Variants in MMP26 observed in about 807,000 individuals in gnomAD.
The protein encoded by MMP26 is matrix metalloproteinase-26.
A neutral mutation model predicts 31.0 loss-of-function variants in MMP26; 33 were observed. The ratio of observed to expected loss-of-function variants is 1.06; its 90% CI spans 0.81 to 1.42. The LOEUF (loss-of-function observed/expected upper bound fraction) is 1.42, where lower values mean the gene tolerates loss of function less well. MMP26 is among the 40% of genes most tolerant of loss of function. The probability of loss-of-function intolerance (pLI) is 0.00; values close to 1 mark genes in which losing one functional copy is unlikely to be tolerated. For synonymous variants in MMP26, 122 were observed against 114.9 expected (o/e 1.06, Z -0.40); for missense variants, 347 against 316.1 (o/e 1.10, Z -0.74).
intron 2 of MMP26, among the ~76,000 whole-genome samples, chr11:4,931,720 A>T (rs571463473): frequency 6.6e-6 from 1 of 152,152 alleles, no homozygotes; most frequent in South Asian, 2.1e-4. Flanking sequence ...AGGTCTCAAA[A>T]AACAGGAAGA....
intron 2 of MMP26, among the ~76,000 whole-genome samples, chr11:4,810,685 C>A (rs77559411): frequency 3.9e-5 from 6 of 152,270 alleles, no homozygotes; most frequent in African/African-American, 1.4e-4. Context: ...GCGTGATTAT[C>A]CAGATAGGTG....
At chr11:4,914,756 T>G in intron 2 of MMP26, 1 of 1,613,680 alleles carries the variant, frequency 6.2e-7, no homozygotes, top group Non-Finnish European at 8.5e-7. Flanking sequence ...ATCCCGGATC[T>G]GTTTGGTCTT....
At chr11:4,832,598 C>T (rs977519477) in intron 2 of MMP26, 1 of 155,880 alleles carries the variant, frequency 6.4e-6, no homozygotes, top group Non-Finnish European at 1.4e-5. Context: ...TAAAAGCATT[C>T]TCCTAGTGCT....
intron 1 of MMP26, chr11:4,724,105 G>A (rs547134018): frequency 2.8e-5 from 18 of 635,376 alleles, no homozygotes; most frequent in Admixed American, 9.9e-5. Context: ...GTGTAGGAGC[G>A]GCTGCTGAAG....
At chr11:4,854,370 TGC>T (rs1173620690) in intron 2 of MMP26, among the ~76,000 whole-genome samples, 1 of 152,208 alleles carries the variant, frequency 6.6e-6, no homozygotes, top group Non-Finnish European at 1.5e-5. Flanking sequence ...ACCCTAATAC[TGC>T]GCTTTTCCAA....
chr11:4,816,721 T>G (rs955590025), intron 2 of MMP26, among the ~76,000 whole-genome samples: 1 of 134,254 alleles, frequency 7.4e-6, no homozygotes, highest in African/African-American at 2.7e-5. Flanking sequence ...TTTTTTTTTT[T>G]GAAATAGAGT....
chr11:4,797,227 C>A (rs1849120068), intron 2 of MMP26, among the ~76,000 whole-genome samples: 1 of 152,042 alleles, frequency 6.6e-6, no homozygotes, highest in Non-Finnish European at 1.5e-5. Flanking sequence ...AGACAGAAGA[C>A]ACATTGAAGC....
intron 1 of MMP26, among the ~76,000 whole-genome samples, chr11:4,740,268 G>A (rs1848294770): frequency 6.6e-6 from 1 of 151,940 alleles, no homozygotes; most frequent in African/African-American, 2.4e-5. Flanking sequence ...TGCACTTATG[G>A]CTAGAACCAT....
At chr11:4,813,620 C>T (rs1341185954) in intron 2 of MMP26, among the ~76,000 whole-genome samples, 1 of 151,932 alleles carries the variant, frequency 6.6e-6, no homozygotes, top group Non-Finnish European at 1.5e-5. Context: ...ATGAAAAAAA[C>T]AAAGTGAAAC....
chr11:4,909,877 T>C (rs1427101953), intron 2 of MMP26, among the ~76,000 whole-genome samples: 1 of 152,152 alleles, frequency 6.6e-6, no homozygotes, highest in East Asian at 1.9e-4. Context: ...CTGCATTCTT[T>C]GTCAACATTC....
chr11:4,928,309 G>A (rs557127368), intron 2 of MMP26, among the ~76,000 whole-genome samples: 1 of 151,998 alleles, frequency 6.6e-6, no homozygotes, highest in African/African-American at 2.4e-5. Flanking sequence ...AAAACCACAG[G>A]TTTCTTCATT....
intron 1 of MMP26, among the ~76,000 whole-genome samples, chr11:4,705,484 T>C (rs1164253887): frequency 2.0e-5 from 3 of 152,172 alleles, no homozygotes; most frequent in Non-Finnish European, 4.4e-5. Flanking sequence ...TAGTAATGAA[T>C]GTGAAGCTTT....
intron 2 of MMP26, among the ~76,000 whole-genome samples, chr11:4,852,705 C>A (rs1849992557): frequency 1.3e-5 from 2 of 152,086 alleles, no homozygotes; most frequent in Non-Finnish European, 2.9e-5. Flanking sequence ...ATTCAGCATT[C>A]CCACTTCTGG....
intron 2 of MMP26, among the ~76,000 whole-genome samples, chr11:4,798,410 G>C (rs1016225377): frequency 1.3e-5 from 2 of 152,188 alleles, no homozygotes; most frequent in Non-Finnish European, 2.9e-5. Context: ...TCTTCCAGGG[G>C]AGGTCTAGAC....
At chr11:4,728,918 CTA>C (rs1337474700) in intron 1 of MMP26, among the ~76,000 whole-genome samples, 1 of 151,678 alleles carries the variant, frequency 6.6e-6, no homozygotes, top group Non-Finnish European at 1.5e-5. Flanking sequence ...GCTTTATTAA[CTA>C]AATCTATTTT....
At chr11:4,960,066 G>A (rs1008611388) in intron 2 of MMP26, among the ~76,000 whole-genome samples, 22 of 131,136 alleles carry the variant, frequency 1.7e-4, no homozygotes, top group Non-Finnish European at 2.6e-4. Flanking sequence ...GCCTTGCTGA[G>A]ACTTCTGTCT....
intron 2 of MMP26, among the ~76,000 whole-genome samples, chr11:4,880,306 G>A (rs956342180): frequency 4.6e-5 from 7 of 152,114 alleles, no homozygotes; most frequent in South Asian, 2.1e-4. Context: ...GAGTGCAAAC[G>A]TGGAGAAAAA....
At chr11:4,920,856 A>G (rs1458413693) in intron 2 of MMP26, among the ~76,000 whole-genome samples, 1 of 152,228 alleles carries the variant, frequency 6.6e-6, no homozygotes, top group Non-Finnish European at 1.5e-5. Flanking sequence ...CTACCTAAAA[A>G]GTATACTTTA....
chr11:4,981,845 T>C (rs1330686135), intron 2 of MMP26, among the ~76,000 whole-genome samples: 6 of 152,046 alleles, frequency 3.9e-5, no homozygotes, highest in East Asian at 3.9e-4. Context: ...TTTTAAACTT[T>C]TTGTTAGAAA....
Sources: allele counts gnomAD v4.1 joint callset (sites outside exome capture counted in the v4.1 genomes callset), GRCh38; gene constraint gnomAD v4.1.1; transcripts MANE v1.5; gene names NCBI Gene and HGNC (gene_info 2026-07-23, HGNC 2026-07-21).